The following KIAA0825 variants were observed in gnomAD, a reference collection of about 807,000 sequenced individuals.
KIAA0825 encodes uncharacterized protein KIAA0825.
Under a neutral mutation model 147.6 loss-of-function variants are expected in KIAA0825, and 119 were observed. That is an observed-to-expected ratio of 0.81 (90% confidence interval 0.69 to 0.94). The LOEUF (loss-of-function observed/expected upper bound fraction) is 0.94. KIAA0825 is among the 40% of genes least tolerant of loss of function. KIAA0825 has a pLI of 0.00. For missense variants in KIAA0825, 1,381 were observed against 1,472.7 expected (o/e 0.94, Z 1.02); for synonymous variants, 470 against 518.1 (o/e 0.91, Z 1.26).
At chr5:94,256,214 G>A (rs1776247443) in intron 20 of KIAA0825, among the ~76,000 whole-genome samples, 1 of 152,084 alleles carries the variant, frequency 6.6e-6, no homozygotes, top group African/African-American at 2.4e-5. Context: ...GAAAACTCAA[G>A]ATATAATGTG....
chr5:94,574,822 C>T (rs1418688710), intron 2 of KIAA0825, among the ~76,000 whole-genome samples: 1 of 152,034 alleles, frequency 6.6e-6, no homozygotes, highest in African/African-American at 2.4e-5. Flanking sequence ...ACTTTTTAAA[C>T]TCAAGCAATC....
chr5:94,563,157 C>A (rs1404812834), intron 2 of KIAA0825, among the ~76,000 whole-genome samples: 1 of 150,268 alleles, frequency 6.7e-6, no homozygotes, highest in Non-Finnish European at 1.5e-5. Context: ...CTGGCTAACA[C>A]GGTGAAACCC....
intron 5 of KIAA0825, among the ~76,000 whole-genome samples, chr5:94,506,262 C>G (rs1468366916): frequency 6.6e-6 from 1 of 152,182 alleles, no homozygotes; most frequent in Admixed American, 6.5e-5. Flanking sequence ...TTTTCAAGCA[C>G]TGTTGGAGGT....
intron 13 of KIAA0825, among the ~76,000 whole-genome samples, chr5:94,449,158 A>G (rs1758087251): frequency 6.6e-6 from 1 of 152,166 alleles, no homozygotes; most frequent in African/African-American, 2.4e-5. Flanking sequence ...AACAAATTCA[A>G]TATTAAAAAT....
Position 94,520,305 on chromosome 5 carries a change from G to A in KIAA0825, c.913C>T (p.Arg305Cys), listed in dbSNP as rs934109207. 7 of 1,613,310 alleles carry A rather than the reference G, an allele frequency of 4.3e-6. No individual in the cohort carries two copies. The East Asian group carries it at 6.7e-5, about 15-fold the overall frequency. The change falls in exon 5 of 21, where the codon CGT becomes TGT. Residue 305 changes from arginine to cysteine, a missense_variant. Arg to Cys is a radical substitution (Grantham distance 180, BLOSUM62 -3). Coordinates refer to ENST00000682413, the MANE Select transcript of KIAA0825 (RefSeq NM_001145678.3). ...GAGCTCTTGCTTGTTTTAACCACAC[G>A]AACAGCATTTTCTCTGAACTGCAGC... is the stretch of plus-strand genomic sequence containing the variant. ...CELQFRENAV[R>C]VVKTSKSSSK...
intron 20 of KIAA0825, among the ~76,000 whole-genome samples, chr5:94,281,213 A>T (rs1584011528): frequency 6.8e-6 from 1 of 146,606 alleles, no homozygotes; most frequent in South Asian, 2.3e-4. Context: ...ACACACACAC[A>T]CACACACACA....
intron 10 of KIAA0825, among the ~76,000 whole-genome samples, chr5:94,468,623 G>C (rs1313915158): frequency 1.3e-5 from 2 of 152,192 alleles, no homozygotes; most frequent in Non-Finnish European, 2.9e-5. Context: ...CTAAAGGAGA[G>C]ATGAAATGGC....
intron 13 of KIAA0825, among the ~76,000 whole-genome samples, chr5:94,441,118 G>A (rs1356703813): frequency 6.6e-6 from 1 of 152,080 alleles, no homozygotes; most frequent in African/African-American, 2.4e-5. Context: ...ATTATCATTA[G>A]CAGATGCAAT....
At chr5:94,390,859 A>G (rs1276157201) in intron 18 of KIAA0825, among the ~76,000 whole-genome samples, 1 of 152,228 alleles carries the variant, frequency 6.6e-6, no homozygotes, top group East Asian at 1.9e-4. Flanking sequence ...GCAAATATAA[A>G]CGCAATTAGA....
At chr5:94,441,579 A>G (rs1757088715) in intron 13 of KIAA0825, among the ~76,000 whole-genome samples, 1 of 152,104 alleles carries the variant, frequency 6.6e-6, no homozygotes, top group Non-Finnish European at 1.5e-5. Context: ...GACCCCATGA[A>G]TGGGATTATA....
intron 20 of KIAA0825, among the ~76,000 whole-genome samples, chr5:94,356,079 G>A (rs1784214542): frequency 6.6e-6 from 1 of 152,104 alleles, no homozygotes; most frequent in Non-Finnish European, 1.5e-5. Flanking sequence ...GAGGGGCAAG[G>A]TCCTAGAAAA....
chr5:94,212,644 A>G (rs1220631374), intron 20 of KIAA0825, among the ~76,000 whole-genome samples: 1 of 152,188 alleles, frequency 6.6e-6, no homozygotes. Flanking sequence ...GAGTGGCCCA[A>G]GTGGATGCTG....
intron 1 of KIAA0825, among the ~76,000 whole-genome samples, chr5:94,589,792 G>C (rs962337407): frequency 6.0e-5 from 9 of 150,696 alleles, no homozygotes; most frequent in African/African-American, 2.2e-4. Flanking sequence ...CACAAATAAT[G>C]AGCTTTATTT....
intron 20 of KIAA0825, among the ~76,000 whole-genome samples, chr5:94,342,518 C>CAGTG (rs1782527322): frequency 6.6e-6 from 1 of 152,116 alleles, no homozygotes; most frequent in Non-Finnish European, 1.5e-5. Context: ...TTAGAAAAGT[C>CAGTG]AGTGACACAG....
chr5:94,172,891 G>A (rs573613428), intron 20 of KIAA0825, among the ~76,000 whole-genome samples: 17 of 152,096 alleles, frequency 1.1e-4, no homozygotes, highest in Non-Finnish European at 1.8e-4. Flanking sequence ...TACCTAATTT[G>A]TAAGGTTATT....
intron 3 of KIAA0825, among the ~76,000 whole-genome samples, chr5:94,527,749 G>A (rs1033170817): frequency 4.0e-5 from 6 of 151,856 alleles, no homozygotes; most frequent in Non-Finnish European, 5.9e-5. Context: ...TTTTGTGTTC[G>A]AAAGGACAAA....
rs1242478985 is a variant in KIAA0825 at position 94,462,608 on chromosome 5, A to G, written c.2064-39T>C. 2.4e-6 allele frequency: 3 copies of G among 1,274,136 alleles called. No homozygotes were observed. The East Asian group carries it at 7.9e-5, about 34-fold the overall frequency. 78.9% of individuals were successfully genotyped at this position (1,274,136 alleles called of 1,614,324 possible). ...AGAAAAGAAAATCATGTTAAACAAA[A>G]TAATGTCTCTGCTTGGTAGGCACTT... On this transcript the variant is annotated intron_variant, in intron 11 of 20. Coordinates refer to ENST00000682413, the MANE Select transcript of KIAA0825 (RefSeq NM_001145678.3).
At chr5:94,363,900 G>A (rs762001617) in intron 20 of KIAA0825, among the ~76,000 whole-genome samples, 24 of 151,800 alleles carry the variant, frequency 1.6e-4, no homozygotes, top group Non-Finnish European at 2.8e-4. Flanking sequence ...AATTAACAAC[G>A]CCTCTTTCTC....
intron 20 of KIAA0825, among the ~76,000 whole-genome samples, chr5:94,310,755 AT>A (rs1562367958): frequency 6.6e-6 from 1 of 151,730 alleles, no homozygotes; most frequent in Non-Finnish European, 1.5e-5. Context: ...CTACTCTAGA[AT>A]TCTGTTATAA....
Sources: allele counts gnomAD v4.1 joint callset (sites outside exome capture counted in the v4.1 genomes callset), GRCh38; gene constraint gnomAD v4.1.1; transcripts MANE v1.5; gene names NCBI Gene and HGNC (gene_info 2026-07-23, HGNC 2026-07-21).